Variants in NPBWR1 observed in about 807,000 individuals in gnomAD.
The protein encoded by NPBWR1 is neuropeptides B and W receptor 1.
In NPBWR1, 4 loss-of-function variants were observed where a neutral mutation model predicts 2.8. The ratio of observed to expected loss-of-function variants is 1.44; its 90% CI spans 0.71 to 3.29. The LOEUF is 3.29. NPBWR1 is among the 30% of genes most tolerant of loss of function. The pLI is 0.01. For missense variants in NPBWR1, 545 were observed against 462.5 expected, an observed-to-expected ratio of 1.18 and a Z score of -1.64; for synonymous variants, 250 against 224.5, an observed-to-expected ratio of 1.11 and a Z score of -1.02.
rs761396667 is a variant in NPBWR1, at chr8:52,940,720, C to A, written c.813C>A (p.Thr271=). ...GCTGGACGCCCTACCACCTGAGCAC[C>A]GTGGTGGCGCTCACCACCGACCTCC... ...LLCWTPYHLS[T]VVALTTDLPQ... is the part of the protein sequence containing the mutation. The change falls in exon 2 of 2, where the codon ACC becomes ACA. Residue 271 remains threonine (T), a synonymous_variant. Coordinates refer to ENST00000674939, the MANE Select transcript of NPBWR1 (RefSeq NM_005285.5). The A allele has an allele frequency of 1.2e-6, 2 of 1,613,662 alleles. No individual in the cohort carries two copies. The highest frequency in any genetic ancestry group is 1.1e-5 in the South Asian group (1 of 91,086).
Position 52,940,117 on chromosome 8 carries a change from C to T in NPBWR1, c.210C>T (p.Thr70=), listed in dbSNP as rs1452583156. The part of the protein sequence containing the change: ...YVLLRAPRMK[T]VTNLFILNLA... Reference sequence around the variant, plus strand: ...TGCTGCGGGCGCCCCGCATGAAGACCGTCACCAACCTGTTCATCCTCAACC... The same window carrying T: ...TGCTGCGGGCGCCCCGCATGAAGACTGTCACCAACCTGTTCATCCTCAACC... Residue 70 remains threonine, a synonymous_variant, in exon 2 of 2, where the codon ACC becomes ACT. Coordinates refer to ENST00000674939, the MANE Select transcript of NPBWR1 (RefSeq NM_005285.5). 1 of 1,612,980 alleles carries T rather than the reference C, an allele frequency of 6.2e-7. No individual in the cohort carries two copies.
Position 52,940,083 on chromosome 8 carries a change from T to C in NPBWR1, c.176T>C (p.Leu59Pro), listed in dbSNP as rs1860164870. 1 of 1,611,532 alleles carries C rather than the reference T, an allele frequency of 6.2e-7. No individual in the cohort carries two copies. Among genetic ancestry groups the C allele is most frequent in the Non-Finnish European group, 8.5e-7 (1 of 1,179,964 alleles). Residue 59 changes from leucine (L) to proline (P), a missense_variant, in exon 2 of 2, where the codon CTG becomes CCG. Physicochemically the swap from Leu to Pro is moderately conservative, Grantham distance 98. Transcript: ENST00000674939. ...AVGLAGNSAV[L>P]YVLLRAPRMK... Reference sequence around the variant, plus strand: ...GGTCTGGCGGGCAACTCCGCCGTGCTGTACGTGTTGCTGCGGGCGCCCCGC... The same window carrying C: ...GGTCTGGCGGGCAACTCCGCCGTGCCGTACGTGTTGCTGCGGGCGCCCCGC...
intron 1 of NPBWR1, 58 bp from the exon 2 acceptor site, chr8:52,939,653 C>G: frequency 2.3e-6 from 1 of 443,242 alleles, no homozygotes; most frequent in Non-Finnish European, 3.9e-6. Context: ...CGGGACCGCG[C>G]CTATTTCTAA....
Position 52,942,128 on chromosome 8 carries a change from A to G in NPBWR1, c.*1234A>G, listed in dbSNP as rs1236909037. The stretch of plus-strand genomic sequence containing the variant: ...CTGCTTCCTTGGCTCCGCCTTAGGG[A>G]GAGCAGGAAGCAGGGATGACCGACG... On this transcript the variant is annotated 3_prime_UTR_variant, in exon 2 of 2. Transcript: ENST00000674939. 6.6e-6 allele frequency among the ~76,000 whole-genome samples: 1 copy of G among 152,218 alleles called. No individual in the cohort carries two copies. The highest frequency in any genetic ancestry group is 1.5e-5 in the Non-Finnish European group (1 of 68,036).
At position 52,940,316 on chromosome 8, in the gene NPBWR1, G is replaced by A. The variant is rs1465331883; in HGVS notation, c.409G>A (p.Val137Met). ...LTVMSADRYL[V>M]VLATAESRRV... is the part of the protein sequence containing the mutation. ...CGTCATGAGCGCCGACCGCTACCTG[G>A]TGGTGTTGGCCACTGCGGAGTCGCG... is the stretch of plus-strand genomic sequence containing the variant. The change falls in exon 2 of 2, where the codon GTG becomes ATG. Residue 137 changes from valine (V) to methionine (M), a missense_variant. By Grantham distance (21) the Val-to-Met change is conservative. Transcript: ENST00000674939. 1 of 1,612,382 alleles carries A rather than the reference G, an allele frequency of 6.2e-7. No homozygotes were observed. Among genetic ancestry groups the A allele is most frequent in the Non-Finnish European group, 8.5e-7 (1 of 1,179,930 alleles).
In NPBWR1 at chr8:52,940,512, C is replaced by A. The variant is rs866948227; in HGVS notation, c.605C>A (p.Ala202Glu). Reference sequence around the variant, plus strand: ...CAGCCCGAGGCCTTCTGGTGGCGCGCGAGCCGCCTCTACACGCTCGTGCTG... The same window carrying A: ...CAGCCCGAGGCCTTCTGGTGGCGCGAGAGCCGCCTCTACACGCTCGTGCTG... ...FPQPEAFWWR[A>E]SRLYTLVLGF... Residue 202 changes from alanine (A) to glutamate (E), a missense_variant, in exon 2 of 2, where the codon GCG (alanine) becomes GAG (glutamate). By Grantham distance (107) the Ala-to-Glu change is moderately radical (BLOSUM62 -1). Transcript: ENST00000674939. The A allele has an allele frequency of 6.3e-7, 1 of 1,583,940 alleles. No individual in the cohort carries two copies. Among genetic ancestry groups the A allele is most frequent in the African/African-American group, 1.3e-5 (1 of 74,356 alleles).
rs1860168099 is a variant in NPBWR1 at position 52,940,185 on chromosome 8, A to G, written c.278A>G (p.Asn93Ser). 6.2e-7 allele frequency: 1 copy of G among 1,613,754 alleles called. No individual in the cohort carries two copies. The highest frequency in any genetic ancestry group is 8.5e-7 in the Non-Finnish European group (1 of 1,179,954). Residue 93 changes from asparagine (N) to serine (S), a missense_variant, in exon 2 of 2, where the codon AAC (asparagine) becomes AGC (serine). Transcript: ENST00000674939. ...CTCTTCACGCTGGTGCTGCCCATCA[A>G]CATCGCCGACTTCCTGCTGCGGCAG... is the stretch of plus-strand genomic sequence containing the variant. ...DELFTLVLPI[N>S]IADFLLRQWP...
chr8:52,942,397 A>T lies in NPBWR1; in HGVS notation c.*1503A>T, dbSNP rs1009496979. On this transcript the variant is annotated 3_prime_UTR_variant, in exon 2 of 2. Coordinates refer to ENST00000674939, the MANE Select transcript of NPBWR1 (RefSeq NM_005285.5). ...AATCCTCTGCAGTTTAGCCTTAGAC[A>T]TGAGGGCCGAACCCTAAGCAAAGTC... is the stretch of plus-strand genomic sequence containing the variant. Among the ~76,000 whole-genome samples the T allele has an allele frequency of 6.6e-6, 1 of 152,250 alleles. No homozygotes were observed. Among genetic ancestry groups the T allele is most frequent in the Non-Finnish European group, 1.5e-5 (1 of 68,046 alleles).
rs576162056 is a variant in NPBWR1, at chr8:52,940,987, G to T, written c.*93G>T. 1 of 1,441,640 alleles carries T rather than the reference G, an allele frequency of 6.9e-7. No homozygotes were observed. The highest frequency in any genetic ancestry group is 1.4e-5 in the African/African-American group (1 of 69,860). The allele number at this position is 1,441,640 out of a possible 1,614,324, so 89.3% of individuals were successfully genotyped here. On this transcript the variant is annotated 3_prime_UTR_variant, in exon 2 of 2. Transcript: ENST00000674939. ...GTGCGGGACCAGACAGGCCGCCTAG[G>T]CCTCCTGGGGAAACCGACTCGCGCC...
rs559581975 is a variant in NPBWR1 at position 52,940,426 on chromosome 8, C to A, written c.519C>A (p.Phe173Leu). ...WGIVTLVVLPFAVFARLDDEQ... is the reference protein window; with the variant it reads ...WGIVTLVVLPLAVFARLDDEQ... ...TCGTCACACTCGTCGTGCTGCCCTT[C>A]GCAGTCTTCGCCCGGCTAGACGACG... Residue 173 changes from phenylalanine to leucine, a missense_variant, in exon 2 of 2, where the codon TTC becomes TTA. Phe to Leu is a conservative substitution (Grantham distance 22). Transcript: ENST00000674939. The A allele has an allele frequency of 1.8e-5, 28 of 1,598,244 alleles. No individual in the cohort carries two copies. The South Asian group carries it at 3.1e-4, about 18-fold the overall frequency.
In NPBWR1 at chr8:52,939,901, C is replaced by T; in HGVS notation, c.-7C>T. 1.3e-6 allele frequency: 2 copies of T among 1,529,184 alleles called. No homozygotes were observed. The highest frequency in any genetic ancestry group is 1.3e-5 in the South Asian group (1 of 78,524). The allele number at this position is 1,529,184 out of a possible 1,614,324, so 94.7% of individuals were successfully genotyped here. A position where few individuals can be genotyped will look rare whatever the true frequency, so the allele number is the denominator to read the frequency against. On this transcript the variant is annotated 5_prime_UTR_variant, in exon 2 of 2. Transcript: ENST00000674939. Reference sequence around the variant, plus strand: ...GCCAGGTCGCCGGCTCCTCTGCCCTCGTTGAGATGGACAACGCCTCGTTCT... The same window carrying T: ...GCCAGGTCGCCGGCTCCTCTGCCCTTGTTGAGATGGACAACGCCTCGTTCT...
Position 52,941,052 on chromosome 8 carries a change from C to A in NPBWR1, c.*158C>A. 9.6e-7 allele frequency: 1 copy of A among 1,038,084 alleles called. No individual in the cohort carries two copies. The highest frequency in any genetic ancestry group is 1.4e-6 in the Non-Finnish European group (1 of 739,140). 64.3% of individuals were successfully genotyped at this position (1,038,084 alleles called of 1,614,324 possible). On this transcript the variant is annotated 3_prime_UTR_variant, in exon 2 of 2. Transcript: ENST00000674939. ...GCAGATCGGAAGCGCTGCGACTGTG[C>A]CCGCAGGTTGACCTTGCCAAGCCCT...
rs1263135470 is a variant in NPBWR1, at chr8:52,941,794, C to A, written c.*900C>A. 6.6e-6 allele frequency among the ~76,000 whole-genome samples: 1 copy of A among 152,218 alleles called. No individual in the cohort carries two copies. Among genetic ancestry groups the A allele is most frequent in the Non-Finnish European group, 1.5e-5 (1 of 68,042 alleles). On this transcript the variant is annotated 3_prime_UTR_variant, in exon 2 of 2. Transcript: ENST00000674939. ...TTCCGGCGCCCCCTGGAGGAGCCAG[C>A]GGCCGAGTGCTTAGCGTCGGAGGAT...
rs372278903 is a variant in NPBWR1, at chr8:52,939,921, C to T, written c.14C>T (p.Ser5Leu). 6 of 1,548,928 alleles carry T rather than the reference C, an allele frequency of 3.9e-6. No homozygotes were observed. The highest frequency in any genetic ancestry group is 3.6e-5 in the South Asian group (3 of 82,360). MDNA[S>L]FSEPWPANAS... The stretch of plus-strand genomic sequence containing the variant: ...GCCCTCGTTGAGATGGACAACGCCT[C>T]GTTCTCGGAGCCCTGGCCCGCCAAC... Residue 5 changes from serine (S) to leucine (L), a missense_variant, in exon 2 of 2, where the codon TCG becomes TTG. Transcript: ENST00000674939.
Position 52,940,801 on chromosome 8 carries a change from C to T in NPBWR1, c.894C>T (p.Ala298=). The change falls in exon 2 of 2, where the codon GCC becomes GCT. Residue 298 remains alanine, a synonymous_variant. Transcript: ENST00000674939. ...ACTTCATCACCAGCCTGAGCTACGC[C>T]AACAGCTGCCTCAACCCCTTCCTCT... ...ISYFITSLSY[A]NSCLNPFLYA... 6.2e-7 allele frequency: 1 copy of T among 1,614,136 alleles called. No individual in the cohort carries two copies. The highest frequency in any genetic ancestry group is 8.5e-7 in the Non-Finnish European group (1 of 1,180,008).
rs79536146 is a variant in NPBWR1, at chr8:52,940,966, G to A, written c.*72G>A. 219,876 of 1,500,212 alleles carry A rather than the reference G, an allele frequency of 0.15. 16,977 individuals carry two copies. The highest frequency in any genetic ancestry group is 0.22 in the African/African-American group (16,093 of 72,014). The allele number at this position is 1,500,212 out of a possible 1,614,324, so 92.9% of individuals were successfully genotyped here. ...GAGGGAGGAGCCGGCGCCAGAGTGC[G>A]GGACCAGACAGGCCGCCTAGGCCTC... is the stretch of plus-strand genomic sequence containing the variant. On this transcript the variant is annotated 3_prime_UTR_variant, in exon 2 of 2. Coordinates refer to ENST00000674939, the MANE Select transcript of NPBWR1 (RefSeq NM_005285.5).
rs759980764 is a variant in NPBWR1 at position 52,940,631 on chromosome 8, C to T, written c.724C>T (p.Leu242=). The change falls in exon 2 of 2, where the codon CTG becomes TTG. Residue 242 remains leucine (L), a synonymous_variant. Coordinates refer to ENST00000674939, the MANE Select transcript of NPBWR1 (RefSeq NM_005285.5). The stretch of plus-strand genomic sequence containing the variant: ...GCGGCTGGACAGCCACGCCAAGGCC[C>T]TGGAGCGCGCCAAGAAGCGGGTGAC... ...AMRLDSHAKA[L]ERAKKRVTFL... 1 of 1,609,152 alleles carries T rather than the reference C, an allele frequency of 6.2e-7. No individual in the cohort carries two copies. The highest frequency in any genetic ancestry group is 2.2e-5 in the East Asian group (1 of 44,716).
Position 52,940,551 on chromosome 8 carries a change from C to T in NPBWR1, c.644C>T (p.Pro215Leu), listed in dbSNP as rs1415129163. The T allele has an allele frequency of 5.0e-6, 8 of 1,597,692 alleles. No individual in the cohort carries two copies. Among genetic ancestry groups the T allele is most frequent in the Non-Finnish European group, 6.8e-6 (8 of 1,174,672 alleles). Residue 215 changes from proline (P) to leucine (L), a missense_variant, in exon 2 of 2, where the codon CCC (proline) becomes CTC (leucine). Transcript: ENST00000674939. ...LYTLVLGFAI[P>L]VSTICVLYTT... ...ACGCTCGTGCTGGGCTTCGCCATCC[C>T]CGTGTCCACCATCTGTGTCCTCTAT...
In NPBWR1 at chr8:52,940,279, C is replaced by T. The variant is rs1388561347; in HGVS notation, c.372C>T (p.Leu124=). 2 of 1,613,360 alleles carry T rather than the reference C, an allele frequency of 1.2e-6. No individual in the cohort carries two copies. Among genetic ancestry groups the T allele is most frequent in the Non-Finnish European group, 1.7e-6 (2 of 1,180,004 alleles). The change falls in exon 2 of 2, where the codon CTC becomes CTT. Residue 124 remains leucine, a synonymous_variant. Coordinates refer to ENST00000674939, the MANE Select transcript of NPBWR1 (RefSeq NM_005285.5). The part of the protein sequence containing the change: ...AIDQYNTFSS[L]YFLTVMSADR... ...ACCAGTACAACACCTTCTCCAGCCT[C>T]TACTTCCTCACCGTCATGAGCGCCG...
Sources: allele counts gnomAD v4.1 joint callset (sites outside exome capture counted in the v4.1 genomes callset), GRCh38; gene constraint gnomAD v4.1.1; transcripts MANE v1.5; gene names NCBI Gene and HGNC (gene_info 2026-07-23, HGNC 2026-07-21).